The following KIF1B variants were observed in gnomAD, a reference collection of about 807,000 sequenced individuals.
KIF1B encodes the protein kinesin family member 1B, also known as kinesin-like protein KIF1B.
In KIF1B, 76 loss-of-function variants were observed where a neutral mutation model predicts 241.9. The observed-to-expected ratio is 0.31, with a 90% confidence interval of 0.26 to 0.38. The LOEUF (loss-of-function observed/expected upper bound fraction) is 0.38, where lower values mean the gene tolerates loss of function less well. Ranked by LOEUF, KIF1B falls within the 10% of genes least tolerant of loss-of-function variation. The probability of loss-of-function intolerance (pLI) is 1.00; values close to 1 mark genes in which losing one functional copy is unlikely to be tolerated. For synonymous variants in KIF1B, 750 were observed against 796.7 expected (o/e 0.94, Z 0.99); for missense variants, 1,622 against 2,271.4 (o/e 0.71, Z 5.81).
chr1:10,359,309 G>A lies in KIF1B; in HGVS notation c.4056-1620G>A, dbSNP rs146801027. Among the ~76,000 whole-genome samples the A allele has an allele frequency of 7.3e-4, 111 of 151,714 alleles. No individual in the cohort carries two copies. The East Asian group carries it at 0.017, about 24-fold the overall frequency. ...GAAAGAGTGTGCATAGACTCTTCTA[G>A]GTGAATCAGGTGAGCTGTGTTCTAT... On this transcript the variant is annotated intron_variant, in intron 38 of 48. Transcript: ENST00000676179.
chr1:10,347,895 T>A, intron 36 of KIF1B, 68 bp downstream of exon 36: 1 of 1,259,500 alleles, frequency 7.9e-7, no homozygotes, highest in Non-Finnish European at 1.2e-6. Flanking sequence ...AGAGACGGAA[T>A]TCTTTCTTAT....
At chr1:10,255,149 A>G (rs1647702801) in intron 2 of KIF1B, among the ~76,000 whole-genome samples, 1 of 151,810 alleles carries the variant, frequency 6.6e-6, no homozygotes, top group African/African-American at 2.4e-5. Context: ...GGGTTTCACC[A>G]TGTTCGCCAG....
At chr1:10,312,936 A>G (rs1344715655) in intron 22 of KIF1B, among the ~76,000 whole-genome samples, 1 of 151,700 alleles carries the variant, frequency 6.6e-6, no homozygotes, top group African/African-American at 2.4e-5. Context: ...GGATGGATGG[A>G]TAATGGTTTA....
At chr1:10,339,931 G>A in intron 32 of KIF1B, 72 bp downstream of exon 32, 4 of 1,258,798 alleles carry the variant, frequency 3.2e-6, no homozygotes, top group Non-Finnish European at 4.6e-6. Flanking sequence ...CGGGAAGGGT[G>A]ATAAGAAGAG....
At chr1:10,358,007 C>A (rs1395812860) in intron 38 of KIF1B, among the ~76,000 whole-genome samples, 1 of 149,970 alleles carries the variant, frequency 6.7e-6, no homozygotes, top group Non-Finnish European at 1.5e-5. Flanking sequence ...GAGACTCTGT[C>A]TCAGAAAAAT....
At chr1:10,305,526 C>G (rs536447248) in intron 22 of KIF1B, 52 of 1,060,108 alleles carry the variant, frequency 4.9e-5, no homozygotes, top group Middle Eastern at 8.5e-4. Context: ...GTGGGACAGA[C>G]ATGGGGGACA....
chr1:10,361,189 G>A (rs567018204), intron 39 of KIF1B, 146 bp downstream of exon 39: 1 of 707,854 alleles, frequency 1.4e-6, no homozygotes, highest in African/African-American at 1.7e-5. Context: ...ATTATACATT[G>A]CTAACTCTTC....
At chr1:10,352,281 A>G (rs1379826671) in intron 37 of KIF1B, among the ~76,000 whole-genome samples, 1 of 151,596 alleles carries the variant, frequency 6.6e-6, no homozygotes, top group East Asian at 1.9e-4. Context: ...GTTAGGTGAG[A>G]GTGGAATGGA....
chr1:10,349,202 G>A (rs903844541), intron 37 of KIF1B, among the ~76,000 whole-genome samples: 1 of 152,152 alleles, frequency 6.6e-6, no homozygotes, highest in East Asian at 1.9e-4. Flanking sequence ...ACTTTTGGAG[G>A]CTGAGATGGG....
chr1:10,276,495 T>C, intron 12 of KIF1B, 96 bp downstream of exon 12: 5 of 808,290 alleles, frequency 6.2e-6, no homozygotes, highest in South Asian at 4.3e-5. Context: ...TGGGTAGTTA[T>C]TTATGTAAAT....
At chr1:10,330,283 T>C (rs775591173) in intron 27 of KIF1B, among the ~76,000 whole-genome samples, 4 of 152,200 alleles carry the variant, frequency 2.6e-5, no homozygotes, top group Non-Finnish European at 5.9e-5. Flanking sequence ...ATCTAGTGAA[T>C]GTGTGATTGT....
At chr1:10,216,953 TTTTC>T (rs1339865805) in intron 1 of KIF1B, among the ~76,000 whole-genome samples, 19 of 111,076 alleles carry the variant, frequency 1.7e-4, no homozygotes, top group Admixed American at 3.2e-4. Context: ...TACTTGCCCA[TTTTC>T]TTTTTTTTTT....
In KIF1B at chr1:10,215,340, C is replaced by G. The variant is rs565042141; in HGVS notation, c.-80+4462C>G. On this transcript the variant is annotated intron_variant, in intron 1 of 48. Transcript: ENST00000676179. ...TACAGGCCTGTGCCACCACGCCCAGCTAATTTTGTATTTTTAGTAAAGTAG... is the reference window on the plus strand; with the variant it reads ...TACAGGCCTGTGCCACCACGCCCAGGTAATTTTGTATTTTTAGTAAAGTAG... 2.5e-4 allele frequency among the ~76,000 whole-genome samples: 38 copies of G among 150,874 alleles called. 2 individuals are homozygous for G. The South Asian group carries it at 7.8e-3, about 31-fold the overall frequency.
chr1:10,297,461 T>C (rs1035552940), intron 22 of KIF1B, among the ~76,000 whole-genome samples: 1 of 152,244 alleles, frequency 6.6e-6, no homozygotes, highest in Non-Finnish European at 1.5e-5. Context: ...TTTTTATGTC[T>C]TAAAGCCAAA....
At chr1:10,318,876 T>C (rs1304363912) in intron 22 of KIF1B, among the ~76,000 whole-genome samples, 1 of 152,196 alleles carries the variant, frequency 6.6e-6, no homozygotes, top group East Asian at 1.9e-4. Context: ...AGGAAACTTT[T>C]TAGACATTTG....
At chr1:10,284,087 G>A (rs140389149) in intron 15 of KIF1B, among the ~76,000 whole-genome samples, 1 of 152,274 alleles carries the variant, frequency 6.6e-6, no homozygotes, top group African/African-American at 2.4e-5. Flanking sequence ...CAAAAGTACA[G>A]TGTGGGCCGG....
chr1:10,265,011 C>A (rs985486596), intron 5 of KIF1B, among the ~76,000 whole-genome samples: 15 of 151,728 alleles, frequency 9.9e-5, no homozygotes, highest in African/African-American at 3.6e-4. Flanking sequence ...CTCTGTTACC[C>A]AGACTGGAGT....
chr1:10,312,761 T>C (rs1310533305), intron 22 of KIF1B, among the ~76,000 whole-genome samples: 1 of 151,552 alleles, frequency 6.6e-6, no homozygotes, highest in Non-Finnish European at 1.5e-5. Flanking sequence ...TCCCTGGTAG[T>C]CTCTAACCCT....
intron 45 of KIF1B, among the ~76,000 whole-genome samples, chr1:10,372,362 C>T (rs1019030833): frequency 6.6e-6 from 1 of 151,884 alleles, no homozygotes; most frequent in African/African-American, 2.4e-5. Context: ...TAGGGAGACC[C>T]CCATCTCTAC....
Sources: gnomAD v4.1 joint callset for allele counts (sites outside exome capture counted in the v4.1 genomes callset) on GRCh38, gnomAD v4.1.1 for gene constraint, MANE v1.5 for transcripts, NCBI Gene and HGNC (gene_info 2026-07-23, HGNC 2026-07-21) for gene names.